TH: variants seen among roughly 807,000 people sequenced by gnomAD.
TH encodes tyrosine hydroxylase, also known as tyrosine 3-monooxygenase.
In TH, 49 loss-of-function variants were observed where a neutral mutation model predicts 57.4. That is an observed-to-expected ratio of 0.85 (90% CI 0.68 to 1.08). TH has a LOEUF of 1.08. Among genes scored for constraint, TH ranks in the 50% least tolerant of loss-of-function variants. The pLI is 0.00. For synonymous variants in TH, 330 were observed against 304.5 expected (o/e 1.08, Z -0.87); for missense variants, 720 against 696.7 (o/e 1.03, Z -0.38).
Position 2,167,018 on chromosome 11 carries a change from G to A in TH, c.710C>T (p.Thr237Ile). The A allele has an allele frequency of 6.3e-7, 1 of 1,584,762 alleles. No individual in the cohort carries two copies. Among genetic ancestry groups the A allele is most frequent in the Non-Finnish European group, 8.6e-7 (1 of 1,165,660 alleles). ...CGTGGCGTAGAGGCCCTTCAGCGTG[G>A]TGTAGACCTCCTTCCTGCGGGCAGC... ...EEIATWKEVY[T>I]TLKGLYATHA... is the part of the protein sequence containing the mutation. The change falls in exon 7 of 13, where the codon ACC becomes ATC. Residue 237 changes from threonine (T) to isoleucine (I), a missense_variant. Physicochemically the swap from Thr to Ile is moderately conservative, Grantham distance 89. Transcript: ENST00000352909.
chr11:2,166,685 G>T lies in TH; in HGVS notation c.925C>A (p.Gln309Lys). Residue 309 changes from glutamine to lysine, a missense_variant, in exon 8 of 13, where the codon CAG (glutamine) becomes AAG (lysine). By Grantham distance (53) the Gln-to-Lys change is moderately conservative. Transcript: ENST00000352909. ...GCGTGGCGGATATACTGGGTGCACT[G>T]GAACACGCGGAAGGCCAGGCTGGCC... is the stretch of plus-strand genomic sequence containing the variant. ...FLASLAFRVF[Q>K]CTQYIRHASS... 6.4e-7 allele frequency: 1 copy of T among 1,561,322 alleles called. No individual in the cohort carries two copies. Among genetic ancestry groups the T allele is most frequent in the Admixed American group, 1.9e-5 (1 of 51,982 alleles).
Position 2,169,859 on chromosome 11 carries a change from T to G in TH, c.103A>C (p.Ile35Leu), listed in dbSNP as rs1327969151. ...TCGATGAGGCTCTGCCTGCGCCCAA[T>G]GAACCGCGGGGACTGTGGGGACAAG... Reference protein sequence around the residue: ...QAEAIMSPRFIGRRQSLIEDA... With the variant: ...QAEAIMSPRFLGRRQSLIEDA... The change falls in exon 2 of 13, where the codon ATT becomes CTT. Residue 35 changes from isoleucine (I) to leucine (L), a missense_variant. Physicochemically the swap from Ile to Leu is conservative, Grantham distance 5. Transcript: ENST00000352909. 3 of 1,609,722 alleles carry G rather than the reference T, an allele frequency of 1.9e-6. No homozygotes were observed. The highest frequency in any genetic ancestry group is 1.1e-5 in the South Asian group (1 of 90,918).
intron 9 of TH, 116 bp downstream of exon 9, chr11:2,166,364 T>C (rs1232102625): frequency 3.7e-6 from 5 of 1,360,888 alleles, no homozygotes; most frequent in Non-Finnish European, 4.9e-6. Context: ...CGAGCCTCCT[T>C]GGCGGGGCCC....
At chr11:2,167,576 C>T in intron 5 of TH, 91 bp from the exon 6 acceptor site, 4 of 1,429,950 alleles carry the variant, frequency 2.8e-6, no homozygotes, top group Non-Finnish European at 2.9e-6. Context: ...AGGTCCACAC[C>T]CGCCTAGTGC....
In TH at chr11:2,171,569, G is replaced by A. The variant is rs764798315; in HGVS notation, c.90+128C>T. On this transcript the variant is annotated intron_variant, in intron 1 of 12. Transcript: ENST00000352909. The surrounding 1 kb of genome is among the most constrained non-coding windows in gnomAD (Gnocchi z 8.6). ...GTGCCCAGGCCTCCACATCCACGCC[G>A]CGTCCCAGGGGTTTGCATGGACCCT... The A allele has an allele frequency of 9.1e-6, 9 of 990,218 alleles. No homozygotes were observed. The highest frequency in any genetic ancestry group is 8.0e-5 in the Admixed American group (4 of 50,116). The allele number at this position is 990,218 out of a possible 1,614,324, so 61.3% of individuals were successfully genotyped here.
intron 9 of TH, 189 bp downstream of exon 9, chr11:2,166,291 G>A (rs1564917360): frequency 2.2e-6 from 2 of 923,944 alleles, no homozygotes; most frequent in Non-Finnish European, 3.2e-6. Context: ...CCGGCAGGTG[G>A]CAGCACAGGC....
chr11:2,167,812 T>C, intron 5 of TH, 54 bp downstream of exon 5: 1 of 1,541,720 alleles, frequency 6.5e-7, no homozygotes, highest in African/African-American at 1.4e-5. Flanking sequence ...ACCCCCCAGG[T>C]CCAGCGTCAG....
In TH at chr11:2,165,288, C is replaced by A. The variant is rs36097848; in HGVS notation, c.1278G>T (p.Thr426=). Residue 426 remains threonine, a synonymous_variant, in exon 12 of 13, where the codon ACG becomes ACT. Transcript: ENST00000352909. ...CAGACACGAAGTAGACTGACTGGTACGTCTGGTCTTGGTAGGGCTGCACGG... is the reference window on the plus strand; with the variant it reads ...CAGACACGAAGTAGACTGACTGGTAAGTCTGGTCTTGGTAGGGCTGCACGG... The part of the protein sequence containing the change: ...AAAVQPYQDQ[T]YQSVYFVSES... 6.2e-7 allele frequency: 1 copy of A among 1,612,740 alleles called. No homozygotes were observed. Among genetic ancestry groups the A allele is most frequent in the Non-Finnish European group, 8.5e-7 (1 of 1,180,014 alleles).
At chr11:2,165,635 C>T in intron 11 of TH, 33 bp downstream of exon 11, 3 of 1,604,866 alleles carry the variant, frequency 1.9e-6, no homozygotes, top group Non-Finnish European at 2.6e-6. Context: ...CCCTGCCCCT[C>T]TGCTGGGGGC....
At chr11:2,167,407 C>T in intron 6 of TH, 28 bp downstream of exon 6, 3 of 1,554,232 alleles carry the variant, frequency 1.9e-6, no homozygotes, top group Middle Eastern at 1.7e-4. Context: ...GGGCTCCTCC[C>T]CAGCCCCTAG....
At chr11:2,168,756 G>T in intron 2 of TH, 91 bp from the exon 3 acceptor site, 1 of 1,397,316 alleles carries the variant, frequency 7.2e-7, no homozygotes, top group South Asian at 1.2e-5. Flanking sequence ...GGCACATCTG[G>T]CTGGCTGGCC....
In TH at chr11:2,171,658, G is replaced by A. The variant is rs201705601; in HGVS notation, c.90+39C>T. 2,721 of 1,602,570 alleles carry A rather than the reference G, an allele frequency of 1.7e-3. 7 individuals carry two copies. The highest frequency in any genetic ancestry group is 1.7e-3 in the Non-Finnish European group (2,007 of 1,175,972). ...GCAGCTGGCACCAGCCCTGGGCTCC[G>A]GTCCACTGCGGCCGCCGGGCACCTA... On this transcript the variant is annotated intron_variant, in intron 1 of 12. Transcript: ENST00000352909. This position sits in a 1 kb window ranked among gnomAD's most constrained non-coding sequence, Gnocchi z 8.6.
intron 12 of TH, among the ~76,000 whole-genome samples, chr11:2,164,619 C>T (rs1349320527): frequency 6.6e-6 from 1 of 152,148 alleles, no homozygotes; most frequent in Non-Finnish European, 1.5e-5. Flanking sequence ...GACTGCCGGG[C>T]ACCCCATCCC....
intron 2 of TH, 72 bp from the exon 3 acceptor site, chr11:2,168,737 C>CGGGGGG: frequency 5.6e-6 from 1 of 177,918 alleles, no homozygotes; most frequent in Non-Finnish European, 8.7e-6. Flanking sequence ...GTGGGGTGGG[C>CGGGGGG]GGGGAGGAGG....
rs554409064 is a variant in TH, at chr11:2,169,381, AG to A, written c.312+268del. ...CCCCCCACGTGGGAAATGGTGGGTGAGGGGGATCCAGGGGATGGGCAAGGCA... is the reference window on the plus strand; with the variant it reads ...CCCCCCACGTGGGAAATGGTGGGTGAGGGGATCCAGGGGATGGGCAAGGCA... On this transcript the variant is annotated intron_variant, in intron 2 of 12. Transcript: ENST00000352909. 4.6e-3 allele frequency among the ~76,000 whole-genome samples: 702 copies of A among 152,030 alleles called. 2 individuals are homozygous for A. The highest frequency in any genetic ancestry group is 7.7e-3 in the Non-Finnish European group (526 of 67,942).
In TH at chr11:2,166,935, GGTAGCCGCT is replaced by G; in HGVS notation, c.784_792del (p.Ser262_Tyr264del). On this transcript the variant is annotated inframe_deletion, in exon 7 of 13. Coordinates refer to ENST00000352909, the MANE Select transcript of TH (RefSeq NM_000360.4). The stretch of plus-strand genomic sequence containing the variant: ...TCCAGCTGGGGGATATTGTCTTCCC[GGTAGCCGCT>G]GAAGCGCTCCAGCAAAGCAAAGGCC... The G allele has an allele frequency of 6.2e-7, 1 of 1,600,592 alleles. No individual in the cohort carries two copies. Among genetic ancestry groups the G allele is most frequent in the Non-Finnish European group, 8.5e-7 (1 of 1,174,802 alleles).
Position 2,171,653 on chromosome 11 carries a change from G to T in TH, c.90+44C>A. 6.3e-7 allele frequency: 1 copy of T among 1,598,626 alleles called. No individual in the cohort carries two copies. Reference sequence around the variant, plus strand: ...CAGAGGCAGCTGGCACCAGCCCTGGGCTCCGGTCCACTGCGGCCGCCGGGC... The same window carrying T: ...CAGAGGCAGCTGGCACCAGCCCTGGTCTCCGGTCCACTGCGGCCGCCGGGC... On this transcript the variant is annotated intron_variant, in intron 1 of 12. Transcript: ENST00000352909. The surrounding 1 kb of genome is among the most constrained non-coding windows in gnomAD (Gnocchi z 8.6).
chr11:2,164,294 G>T lies in TH; in HGVS notation c.1433C>A (p.Ser478Tyr), dbSNP rs1368929050. Residue 478 changes from serine to tyrosine, a missense_variant, in exon 13 of 13, where the codon TCC becomes TAC. By Grantham distance (144) the Ser-to-Tyr change is moderately radical. Coordinates refer to ENST00000352909, the MANE Select transcript of TH (RefSeq NM_000360.4). ...CAGCTCATCCTGGACACCCTCCAGG[G>T]AGCGCCGCACGGCCTGGGGGCTGTC... ...VLDSPQAVRR[S>Y]LEGVQDELDT... is the part of the protein sequence containing the mutation. The T allele has an allele frequency of 6.6e-7, 1 of 1,513,142 alleles. No individual in the cohort carries two copies. The highest frequency in any genetic ancestry group is 1.3e-5 in the South Asian group (1 of 77,396). 93.7% of individuals were successfully genotyped at this position (1,513,142 alleles called of 1,614,324 possible).
rs1014832372 is a variant in TH at position 2,165,600 on chromosome 11, G to A, written c.1200+68C>T. 3.3e-6 allele frequency: 5 copies of A among 1,530,814 alleles called. No individual in the cohort carries two copies. The African/African-American group carries it at 5.5e-5, about 17-fold the overall frequency. 94.8% of individuals were successfully genotyped at this position (1,530,814 alleles called of 1,614,324 possible). A position where few individuals can be genotyped will look rare whatever the true frequency, so the allele number is the denominator to read the frequency against. ...CTCAGTTTCCTCCCACTGGGAGCCT[G>A]TCCCCTCCCTGCACCGTCCCCCAGC... On this transcript the variant is annotated intron_variant, in intron 11 of 12. Transcript: ENST00000352909.
Sources: gnomAD v4.1 joint callset for allele counts (sites outside exome capture counted in the v4.1 genomes callset) on GRCh38, gnomAD v4.1.1 for gene constraint, Gnocchi (gnomAD v3.1) non-coding constraint, MANE v1.5 for transcripts, NCBI Gene and HGNC (gene_info 2026-07-23, HGNC 2026-07-21) for gene names.